Variants in SORT1 observed in about 807,000 individuals in gnomAD.
The protein encoded by SORT1 is sortilin.
SORT1 carries 39 observed loss-of-function variants against 101.7 expected under a neutral mutation model. The ratio of observed to expected loss-of-function variants is 0.38; its 90% confidence interval spans 0.30 to 0.50. The LOEUF is 0.50. SORT1 is among the 20% of genes least tolerant of loss of function. SORT1 has a pLI of 0.90. For missense variants in SORT1, 878 were observed against 1,040.4 expected (o/e 0.84, Z 2.15); for synonymous variants, 396 against 393.7 (o/e 1.01, Z -0.07).
At chr1:109,354,647 A>G (rs1650190010) in intron 4 of SORT1, 116 bp from the exon 5 acceptor site, 2 of 772,382 alleles carry the variant, frequency 2.6e-6, no homozygotes, top group Admixed American at 2.5e-5. Context: ...AGAAATAAGA[A>G]GAGTTATAAA....
chr1:109,397,667 G>A lies in SORT1; in HGVS notation c.226C>T (p.Arg76Cys). Reference sequence around the variant, plus strand: ...TCGTCCTCGCCCGGCGCGCTGCGACGCCAACGGCCGCCGCGGGGAAACGCG... The same window carrying A: ...TCGTCCTCGCCCGGCGCGCTGCGACACCAACGGCCGCCGCGGGGAAACGCG... ...GGAFPRGGRW[R>C]RSAPGEDEEC... Residue 76 changes from arginine (R) to cysteine (C), a missense_variant, in exon 1 of 20, where the codon CGT becomes TGT. Around this residue, in one of 2 missense-constraint regions of SORT1, gnomAD observed 194 missense variants for 145.9 expected, o/e 1.33. Transcript: ENST00000256637. 8.3e-7 allele frequency: 1 copy of A among 1,206,358 alleles called. No individual in the cohort carries two copies. Among genetic ancestry groups the A allele is most frequent in the South Asian group, 2.3e-5 (1 of 44,042 alleles). 74.7% of individuals were successfully genotyped at this position (1,206,358 alleles called of 1,614,324 possible).
In SORT1 at chr1:109,367,391, C is replaced by T. The variant is rs11581665; in HGVS notation, c.440+17G>A. On this transcript the variant is annotated intron_variant, in intron 3 of 19. Transcript: ENST00000256637. Reference sequence around the variant, plus strand: ...TGTTACTTAGTGAAATGCTCCAACGCGTGTTATTGATCTCACCTTCGATAT... The same window carrying T: ...TGTTACTTAGTGAAATGCTCCAACGTGTGTTATTGATCTCACCTTCGATAT... 159,397 of 1,440,364 alleles carry T rather than the reference C, an allele frequency of 0.11. 9,993 individuals carry two copies. Among genetic ancestry groups the T allele is most frequent in the Non-Finnish European group, 0.13 (129,298 of 1,028,466 alleles). The allele number at this position is 1,440,364 out of a possible 1,614,324, so 89.2% of individuals were successfully genotyped here. A position where few individuals can be genotyped will look rare whatever the true frequency, so the allele number is the denominator to read the frequency against.
intron 1 of SORT1, among the ~76,000 whole-genome samples, chr1:109,373,782 C>T (rs891176725): frequency 6.6e-6 from 1 of 152,100 alleles, no homozygotes; most frequent in Non-Finnish European, 1.5e-5. Flanking sequence ...TCACAATATC[C>T]AACTGAAAAA....
chr1:109,327,458 C>T, intron 12 of SORT1, 41 bp downstream of exon 12: 1 of 1,264,404 alleles, frequency 7.9e-7, no homozygotes, highest in East Asian at 2.3e-5. Context: ...GTGTGCTCAG[C>T]CACTGTTCCA....
In SORT1 at chr1:109,326,442, TATATATATATATATATATATATACATAC is replaced by T. The variant is rs1381587236; in HGVS notation, c.1643+522_1643+549del. Among the ~76,000 whole-genome samples the T allele has an allele frequency of 3.4e-4, 8 of 23,406 alleles. No homozygotes were observed. In the South Asian group the frequency reaches 0.012, roughly 36 times the overall value. The allele number at this position is 23,406 out of a possible 152,430, so 15.4% of individuals were successfully genotyped here. On this transcript the variant is annotated intron_variant, in intron 13 of 19. Coordinates refer to ENST00000256637, the MANE Select transcript of SORT1 (RefSeq NM_002959.7). ...TAGACAGAAAGAATATATATATATATATATATATATATATATATATATACATACACACACACACACACATATATATACA... is the reference window on the plus strand; with the variant it reads ...TAGACAGAAAGAATATATATATATATACACACACACACACATATATATACA...
chr1:109,374,133 C>T (rs1345579055), intron 1 of SORT1, among the ~76,000 whole-genome samples: 1 of 151,998 alleles, frequency 6.6e-6, no homozygotes, highest in East Asian at 1.9e-4. Context: ...AAGAAGAAAT[C>T]AGGACCCATA....
intron 2 of SORT1, chr1:109,368,560 A>G (rs986446960): frequency 6.6e-6 from 1 of 152,148 alleles, no homozygotes; most frequent in Admixed American, 6.6e-5. Flanking sequence ...GGGGCAGGAG[A>G]TGTTGCCCCT....
intron 3 of SORT1, among the ~76,000 whole-genome samples, chr1:109,356,123 C>T (rs1046871364): frequency 3.9e-5 from 6 of 152,178 alleles, no homozygotes; most frequent in Non-Finnish European, 7.3e-5. Context: ...CCGCCCGCCT[C>T]GGCCTCCCAA....
At chr1:109,363,499 A>G (rs1041890076) in intron 3 of SORT1, among the ~76,000 whole-genome samples, 5 of 152,214 alleles carry the variant, frequency 3.3e-5, no homozygotes, top group African/African-American at 1.2e-4. Flanking sequence ...ATGTATACAC[A>G]CATATACATA....
At chr1:109,384,161 G>A (rs1652420164) in intron 1 of SORT1, among the ~76,000 whole-genome samples, 1 of 152,114 alleles carries the variant, frequency 6.6e-6, no homozygotes, top group African/African-American at 2.4e-5. Flanking sequence ...AAGGAGAGGG[G>A]CAACAGCAAC....
chr1:109,354,334 A>C (rs1304465146), intron 5 of SORT1, 33 bp downstream of exon 5: 1 of 1,583,692 alleles, frequency 6.3e-7, no homozygotes, highest in South Asian at 1.1e-5. Context: ...TATAAAATGC[A>C]AAAGGCAAAC....
At chr1:109,388,063 T>G (rs1270135026) in intron 1 of SORT1, among the ~76,000 whole-genome samples, 1 of 152,198 alleles carries the variant, frequency 6.6e-6, no homozygotes, top group Non-Finnish European at 1.5e-5. Context: ...AGTACATTTT[T>G]TTTTCCTTTT....
chr1:109,378,974 CT>C (rs989110037), intron 1 of SORT1, among the ~76,000 whole-genome samples: 3 of 150,936 alleles, frequency 2.0e-5, no homozygotes, highest in African/African-American at 7.3e-5. Flanking sequence ...GAAACTCCGT[CT>C]CTACTAAAAA....
rs534905076 is a variant in SORT1, at chr1:109,335,984, C to T, written c.1371+256G>A. On this transcript the variant is annotated intron_variant, in intron 11 of 19. Coordinates refer to ENST00000256637, the MANE Select transcript of SORT1 (RefSeq NM_002959.7). ...AGCCCCTCTGGCCATTGTTTTAATT[C>T]AGCAGTTTAGTGAACCACAAATTGT... Among the ~76,000 whole-genome samples, 17 of 152,348 alleles carry T rather than the reference C, an allele frequency of 1.1e-4. 1 individual carries two copies. In the South Asian group the frequency reaches 3.5e-3, roughly 32 times the overall value.
intron 13 of SORT1, among the ~76,000 whole-genome samples, chr1:109,326,430 T>A (rs1327174214): frequency 5.0e-4 from 6 of 12,038 alleles, no homozygotes; most frequent in Non-Finnish European, 1.0e-3. Flanking sequence ...ACAGAAAGAA[T>A]ATATATATAT....
chr1:109,365,794 G>T (rs1651043354), intron 3 of SORT1, among the ~76,000 whole-genome samples: 1 of 152,160 alleles, frequency 6.6e-6, no homozygotes, highest in African/African-American at 2.4e-5. Flanking sequence ...TTGGCCTAAA[G>T]GTATTTGCTG....
chr1:109,347,585 T>G (rs1649686922), intron 6 of SORT1, 53 bp from the exon 7 acceptor site: 1 of 1,265,030 alleles, frequency 7.9e-7, no homozygotes, highest in South Asian at 1.2e-5. Context: ...GCTGAAGGAC[T>G]GTGTTGACCT....
intron 17 of SORT1, among the ~76,000 whole-genome samples, chr1:109,316,272 T>C (rs914580973): frequency 7.3e-5 from 11 of 150,544 alleles, no homozygotes; most frequent in African/African-American, 2.7e-4. Context: ...GGTTGGAGTG[T>C]AGCAGCACGA....
chr1:109,378,742 AT>A (rs1557822626), intron 1 of SORT1, among the ~76,000 whole-genome samples: 13 of 93,966 alleles, frequency 1.4e-4, no homozygotes, highest in African/African-American at 5.6e-4. Flanking sequence ...ATATATATAT[AT>A]ATATATATAT....
Sources: gnomAD v4.1 joint callset for allele counts (sites outside exome capture counted in the v4.1 genomes callset) on GRCh38, gnomAD v4.1.1 for gene constraint, gnomAD v4.1.1 regional missense constraint, MANE v1.5 for transcripts, NCBI Gene and HGNC (gene_info 2026-07-23, HGNC 2026-07-21) for gene names.